Variants in MAN1A2 observed in about 807,000 individuals in gnomAD.
MAN1A2 encodes the protein mannosidase alpha class 1A member 2.
Under a neutral mutation model 75.7 loss-of-function variants are expected in MAN1A2, and 26 were observed. The ratio of observed to expected loss-of-function variants is 0.34; its 90% CI spans 0.25 to 0.48. MAN1A2 has a LOEUF of 0.48. Among genes scored for constraint, MAN1A2 ranks in the 20% least tolerant of loss-of-function variants. The pLI, the probability that MAN1A2 is intolerant of heterozygous loss-of-function variation, is 0.99. For missense variants in MAN1A2, 562 were observed against 775.5 expected (o/e 0.72, Z 3.27); for synonymous variants, 247 against 264.6 (o/e 0.93, Z 0.65).
chr1:117,414,658 G>A, intron 3 of MAN1A2, 55 bp from the exon 4 acceptor site: 1 of 857,464 alleles, frequency 1.2e-6, no homozygotes, highest in Non-Finnish European at 2.0e-6. Flanking sequence ...CCCCCAAAGA[G>A]AACAGGAACC....
At chr1:117,504,563 C>T (rs963420531) in intron 12 of MAN1A2, among the ~76,000 whole-genome samples, 1 of 151,192 alleles carries the variant, frequency 6.6e-6, no homozygotes, top group African/African-American at 2.4e-5. Context: ...CTCACACTTG[C>T]GAACCTTAAT....
At chr1:117,479,958 G>C (rs745525067) in intron 8 of MAN1A2, among the ~76,000 whole-genome samples, 1 of 151,872 alleles carries the variant, frequency 6.6e-6, no homozygotes, top group African/African-American at 2.4e-5. Flanking sequence ...GCATTGCTCA[G>C]TGAGGCAAGA....
intron 1 of MAN1A2, among the ~76,000 whole-genome samples, chr1:117,381,115 G>A (rs1488705584): frequency 6.6e-6 from 1 of 151,802 alleles, no homozygotes; most frequent in African/African-American, 2.4e-5. Context: ...TCTTTTGTAT[G>A]GTATCGCAAA....
chr1:117,386,101 A>G (rs1207518890), intron 1 of MAN1A2, among the ~76,000 whole-genome samples: 1 of 152,212 alleles, frequency 6.6e-6, no homozygotes, highest in Non-Finnish European at 1.5e-5. Flanking sequence ...CTTCTGTAGG[A>G]AGAGGAGGGA....
rs756901181 is a variant in MAN1A2 at position 117,442,342 on chromosome 1, ATTCTT to A, written c.950+18_950+22del. The A allele has an allele frequency of 6.7e-7, 1 of 1,488,682 alleles. No homozygotes were observed. The highest frequency in any genetic ancestry group is 9.4e-7 in the Non-Finnish European group (1 of 1,066,562). 92.2% of individuals were successfully genotyped at this position (1,488,682 alleles called of 1,614,324 possible). On this transcript the variant is annotated intron_variant, in intron 6 of 12. Coordinates refer to ENST00000356554, the MANE Select transcript of MAN1A2 (RefSeq NM_006699.5). ...TTTGAAAAGGTAACTCTATGTGGGT[ATTCTT>A]ATTCTGGAAGAATTATTTTGACCTT...
intron 12 of MAN1A2, chr1:117,514,911 C>G (rs147900884): frequency 1.9e-6 from 1 of 532,482 alleles, no homozygotes; most frequent in Non-Finnish European, 3.9e-6. Flanking sequence ...ATCAAGTCCC[C>G]TATTCTGCTG....
intron 1 of MAN1A2, among the ~76,000 whole-genome samples, chr1:117,387,560 A>C (rs1653577109): frequency 1.3e-5 from 2 of 152,188 alleles, no homozygotes; most frequent in African/African-American, 4.8e-5. Flanking sequence ...AATAAAGTAC[A>C]TTTAAAACAA....
intron 12 of MAN1A2, among the ~76,000 whole-genome samples, chr1:117,507,060 T>C (rs1332043968): frequency 6.6e-6 from 1 of 151,654 alleles, no homozygotes; most frequent in Admixed American, 6.6e-5. Flanking sequence ...ATGTGTGTTA[T>C]ACTTTGACTT....
At chr1:117,424,446 CTCCACCTT>C (rs1195526034) in intron 5 of MAN1A2, among the ~76,000 whole-genome samples, 1 of 152,208 alleles carries the variant, frequency 6.6e-6, no homozygotes, top group East Asian at 1.9e-4. Context: ...TCCTTTAACT[CTCCACCTT>C]TCGTACCCAT....
chr1:117,485,349 C>T (rs144524814), intron 8 of MAN1A2, among the ~76,000 whole-genome samples: 49 of 152,004 alleles, frequency 3.2e-4, no homozygotes, highest in African/African-American at 1.1e-3. Context: ...TGAACTATAA[C>T]GTCACCACTG....
At chr1:117,465,970 G>A (rs72691724) in intron 7 of MAN1A2, among the ~76,000 whole-genome samples, 11,598 of 152,054 alleles carry the variant, frequency 0.076, 496 homozygotes, top group Middle Eastern at 0.15. Flanking sequence ...AGTTATTTCT[G>A]TTCTTATATT....
At chr1:117,445,983 A>G (rs1042138955) in intron 6 of MAN1A2, among the ~76,000 whole-genome samples, 5 of 147,958 alleles carry the variant, frequency 3.4e-5, no homozygotes, top group African/African-American at 4.9e-5. Context: ...ATATAAACAT[A>G]TATCTTATAT....
chr1:117,520,231 C>G (rs1651831440), intron 12 of MAN1A2, among the ~76,000 whole-genome samples: 1 of 151,944 alleles, frequency 6.6e-6, no homozygotes, highest in Non-Finnish European at 1.5e-5. Context: ...GAATGGGGAA[C>G]AGTTGAAAGC....
chr1:117,481,017 CTT>C lies in MAN1A2; in HGVS notation c.1169-12128_1169-12127del. ...GAAAAGATCCTTCTGCAAGAAATCT[CTT>C]TACCTATCAACTCATTTATTTGCCC... On this transcript the variant is annotated intron_variant, in intron 8 of 12. Transcript: ENST00000356554. Among the ~76,000 whole-genome samples, 3 of 152,004 alleles carry C rather than the reference CTT, an allele frequency of 2.0e-5. No individual in the cohort carries two copies. The South Asian group carries it at 6.2e-4, about 32-fold the overall frequency.
chr1:117,453,839 C>G (rs1297866989), intron 6 of MAN1A2, among the ~76,000 whole-genome samples: 1 of 152,132 alleles, frequency 6.6e-6, no homozygotes, highest in Non-Finnish European at 1.5e-5. Context: ...GCAGAGAAAT[C>G]AAACAGGAAG....
In MAN1A2 at chr1:117,525,479, T is replaced by C. The variant is rs1210016250; in HGVS notation, c.*2522T>C. 5.7e-6 allele frequency: 1 copy of C among 175,556 alleles called. No homozygotes were observed. Among genetic ancestry groups the C allele is most frequent in the African/African-American group, 2.4e-5 (1 of 42,166 alleles). 10.9% of individuals were successfully genotyped at this position (175,556 alleles called of 1,614,324 possible). A position where few individuals can be genotyped will look rare whatever the true frequency, so the allele number is the denominator to read the frequency against. On this transcript the variant is annotated 3_prime_UTR_variant, in exon 13 of 13. Coordinates refer to ENST00000356554, the MANE Select transcript of MAN1A2 (RefSeq NM_006699.5). ...ACTTTCTTCTGTCTTTTACAGCTCT[T>C]TGCATTTTGTAGACCTTAATACTCA...
At chr1:117,475,012 A>T (rs10923312) in intron 8 of MAN1A2, among the ~76,000 whole-genome samples, 18,851 of 151,950 alleles carry the variant, frequency 0.12, 1,226 homozygotes, top group Non-Finnish European at 0.14. Context: ...TGTTGTGTAT[A>T]TCAGTAGTTC....
chr1:117,528,510 C>T lies in MAN1A2; in HGVS notation c.*5553C>T, dbSNP rs1652088364. ...TTAAATAATTGCAAATGTCTTGTGGCTGTTTTATTTCTACAAAATTCTGTA... is the reference window on the plus strand; with the variant it reads ...TTAAATAATTGCAAATGTCTTGTGGTTGTTTTATTTCTACAAAATTCTGTA... On this transcript the variant is annotated 3_prime_UTR_variant, in exon 13 of 13. Coordinates refer to ENST00000356554, the MANE Select transcript of MAN1A2 (RefSeq NM_006699.5). 1.3e-5 allele frequency: 2 copies of T among 152,062 alleles called. No homozygotes were observed. The highest frequency in any genetic ancestry group is 2.4e-5 in the African/African-American group (1 of 41,432). 9.4% of individuals were successfully genotyped at this position (152,062 alleles called of 1,614,324 possible).
chr1:117,465,395 T>G (rs1649951530), intron 7 of MAN1A2, among the ~76,000 whole-genome samples: 1 of 152,162 alleles, frequency 6.6e-6, no homozygotes, highest in African/African-American at 2.4e-5. Flanking sequence ...TACATAGTGT[T>G]GGTCTCAAAT....
Sources: gnomAD v4.1 joint callset for allele counts (sites outside exome capture counted in the v4.1 genomes callset) on GRCh38, gnomAD v4.1.1 for gene constraint, MANE v1.5 for transcripts, NCBI Gene and HGNC (gene_info 2026-07-23, HGNC 2026-07-21) for gene names.